Variants in GATAD2A observed in about 807,000 individuals in gnomAD.
GATAD2A encodes GATA zinc finger domain containing 2A.
GATAD2A carries 12 observed loss-of-function variants against 68.5 expected under a neutral mutation model. The ratio of observed to expected loss-of-function variants is 0.18; its 90% CI spans 0.11 to 0.28. The LOEUF is 0.28. GATAD2A is among the 10% of genes least tolerant of loss of function. GATAD2A has a pLI of 1.00. For missense variants in GATAD2A, 755 were observed against 868.5 expected (o/e 0.87, Z 1.64); for synonymous variants, 410 against 375.3 (o/e 1.09, Z -1.07).
chr19:19,484,895 G>A (rs1467881980), intron 2 of GATAD2A, among the ~76,000 whole-genome samples: 3 of 152,216 alleles, frequency 2.0e-5, no homozygotes, highest in Non-Finnish European at 4.4e-5. Flanking sequence ...TGAAGCATGA[G>A]GAATTGCTTT....
At chr19:19,460,942 C>T (rs1600189018) in intron 1 of GATAD2A, among the ~76,000 whole-genome samples, 1 of 152,330 alleles carries the variant, frequency 6.6e-6, no homozygotes, top group East Asian at 1.9e-4. Flanking sequence ...ACCCAGCCCC[C>T]GTCCCTCTGT....
chr19:19,483,372 C>T (rs1286901289), intron 2 of GATAD2A, among the ~76,000 whole-genome samples: 2 of 152,218 alleles, frequency 1.3e-5, no homozygotes, highest in African/African-American at 2.4e-5. Context: ...CTCACCTCCA[C>T]GGCCTCTGAG....
At chr19:19,427,576 C>T (rs1160045206) in intron 1 of GATAD2A, 1 of 152,216 alleles carries the variant, frequency 6.6e-6, no homozygotes, top group East Asian at 1.9e-4. Flanking sequence ...ATCCTAGGAC[C>T]CCTGCAATCT....
intron 8 of GATAD2A, 41 bp downstream of exon 8, chr19:19,498,763 C>T (rs1404942339): frequency 6.5e-7 from 1 of 1,545,136 alleles, no homozygotes; most frequent in Non-Finnish European, 8.8e-7. Context: ...CCGCCTCTGG[C>T]CTCCAAGGGT....
At chr19:19,497,598 G>A (rs1280602202) in intron 7 of GATAD2A, among the ~76,000 whole-genome samples, 2 of 152,130 alleles carry the variant, frequency 1.3e-5, no homozygotes, top group Non-Finnish European at 2.9e-5. Context: ...CCAGCAGGCC[G>A]GTCTCTGGGA....
intron 1 of GATAD2A, among the ~76,000 whole-genome samples, chr19:19,397,586 C>T (rs2049357337): frequency 6.6e-6 from 1 of 152,174 alleles, no homozygotes; most frequent in Non-Finnish European, 1.5e-5. Flanking sequence ...TGAAATCAGC[C>T]ATCTAGACTC....
At chr19:19,485,078 G>A (rs2059343495) in intron 2 of GATAD2A, among the ~76,000 whole-genome samples, 1 of 152,156 alleles carries the variant, frequency 6.6e-6, no homozygotes, top group Non-Finnish European at 1.5e-5. Context: ...GCACCTGTCT[G>A]GGGGGCCTCT....
intron 1 of GATAD2A, among the ~76,000 whole-genome samples, chr19:19,437,593 C>T (rs1333811508): frequency 6.6e-6 from 1 of 152,182 alleles, no homozygotes; most frequent in Non-Finnish European, 1.5e-5. Flanking sequence ...CACTCCTCAT[C>T]TCCCCCTCCC....
Position 19,498,623 on chromosome 19 carries a change from C to G in GATAD2A, c.1105C>G (p.Pro369Ala), listed in dbSNP as rs775262604. The change falls in exon 8 of 12, where the codon CCA (proline) becomes GCA (alanine). Residue 369 changes from proline to alanine, a missense_variant. By Grantham distance (27) the Pro-to-Ala change is conservative. Transcript: ENST00000683918. The part of the protein sequence containing the change: ...TLLEIPPPKP[P>A]APEMNFLPSA... Reference sequence around the variant, plus strand: ...ACTCGAGATCCCCCCACCCAAGCCCCCAGCCCCAGAGATGAACTTCCTGCC... The same window carrying G: ...ACTCGAGATCCCCCCACCCAAGCCCGCAGCCCCAGAGATGAACTTCCTGCC... 1 of 1,613,820 alleles carries G rather than the reference C, an allele frequency of 6.2e-7. No individual in the cohort carries two copies. Among genetic ancestry groups the G allele is most frequent in the African/African-American group, 1.3e-5 (1 of 75,072 alleles).
At chr19:19,420,995 C>G (rs2052352564) in intron 1 of GATAD2A, among the ~76,000 whole-genome samples, 1 of 152,212 alleles carries the variant, frequency 6.6e-6, no homozygotes, top group African/African-American at 2.4e-5. Context: ...CCAAAGTTTT[C>G]AGAAGTGCGC....
At chr19:19,391,011 G>T (rs2048809959) in intron 1 of GATAD2A, among the ~76,000 whole-genome samples, 1 of 152,128 alleles carries the variant, frequency 6.6e-6, no homozygotes, top group Non-Finnish European at 1.5e-5. Flanking sequence ...TGCTAACTCA[G>T]CTTAGAGGCT....
At chr19:19,483,233 C>A (rs1472070298) in intron 2 of GATAD2A, among the ~76,000 whole-genome samples, 1 of 152,228 alleles carries the variant, frequency 6.6e-6, no homozygotes, top group Non-Finnish European at 1.5e-5. Context: ...CACAGACTCT[C>A]TCTCTTTTTC....
chr19:19,467,514 A>G (rs1374833730), intron 2 of GATAD2A, among the ~76,000 whole-genome samples: 2 of 152,152 alleles, frequency 1.3e-5, no homozygotes, highest in Non-Finnish European at 2.9e-5. Context: ...GGGATTATAT[A>G]CTATGTACCT....
intron 1 of GATAD2A, among the ~76,000 whole-genome samples, chr19:19,407,945 T>C (rs1266183061): frequency 6.6e-6 from 1 of 152,240 alleles, no homozygotes; most frequent in Non-Finnish European, 1.5e-5. Context: ...TTTATGAAGA[T>C]TGCTTCTCAT....
chr19:19,487,849 C>T (rs1352441691), intron 2 of GATAD2A, among the ~76,000 whole-genome samples: 6 of 152,180 alleles, frequency 3.9e-5, no homozygotes, highest in Non-Finnish European at 7.3e-5. Flanking sequence ...CTGGTGTTGG[C>T]TCTAGCAGAG....
chr19:19,431,305 C>T (rs1182743541), intron 1 of GATAD2A, among the ~76,000 whole-genome samples: 1 of 150,864 alleles, frequency 6.6e-6, no homozygotes, highest in Non-Finnish European at 1.5e-5. Flanking sequence ...CTCTGTGAAT[C>T]TTGCACTGAT....
chr19:19,404,126 G>A (rs2146997585), upstream of GATAD2A, among the ~76,000 whole-genome samples: 1 of 152,230 alleles, frequency 6.6e-6, no homozygotes, highest in South Asian at 2.1e-4. Context: ...GGGGGGCAGG[G>A]CGGTGTGTTT....
chr19:19,481,364 T>C (rs2148250265), intron 2 of GATAD2A, among the ~76,000 whole-genome samples: 1 of 152,330 alleles, frequency 6.6e-6, no homozygotes, highest in Non-Finnish European at 1.5e-5. Context: ...AGGGTCTTGC[T>C]CTGTCTCCCA....
At chr19:19,388,052 C>G (rs1410774060) in intron 1 of GATAD2A, among the ~76,000 whole-genome samples, 1 of 134,166 alleles carries the variant, frequency 7.5e-6, no homozygotes, top group Non-Finnish European at 1.5e-5. Flanking sequence ...CATCAAGCTT[C>G]TCCTCCTTTT....
Sources: allele counts gnomAD v4.1 joint callset (sites outside exome capture counted in the v4.1 genomes callset), GRCh38; gene constraint gnomAD v4.1.1; transcripts MANE v1.5; gene names NCBI Gene and HGNC (gene_info 2026-07-23, HGNC 2026-07-21).